The following CLEC12B variants were observed in gnomAD, a reference collection of about 807,000 sequenced individuals.
The protein encoded by CLEC12B is C-type lectin domain family 12 member B.
In CLEC12B, 25 loss-of-function variants were observed where a neutral mutation model predicts 36.1. That is an observed-to-expected ratio of 0.69 (90% CI 0.50 to 0.97). The LOEUF is 0.97. Ranked by LOEUF, CLEC12B falls within the 50% of genes least tolerant of loss-of-function variation. The probability of loss-of-function intolerance (pLI) is 0.00; values close to 1 mark genes in which losing one functional copy is unlikely to be tolerated. For synonymous variants in CLEC12B, 110 were observed against 108.5 expected (o/e 1.01, Z -0.09); for missense variants, 325 against 318.4 (o/e 1.02, Z -0.16).
chr12:10,007,612 A>G (rs1008592232), upstream of CLEC12B, among the ~76,000 whole-genome samples: 1 of 152,248 alleles, frequency 6.6e-6, no homozygotes, highest in Non-Finnish European at 1.5e-5. Flanking sequence ...GAGTCTGAGA[A>G]AGAAAAAGAG....
At chr12:10,006,504 C>T (rs1356778397), upstream of CLEC12B, among the ~76,000 whole-genome samples, 2 of 149,026 alleles carry the variant, frequency 1.3e-5, no homozygotes, top group Non-Finnish European at 3.0e-5. Flanking sequence ...CTCTAGGACA[C>T]AACAACATCT....
rs1865378697 is a variant in CLEC12B at position 10,013,171 on chromosome 12, C to G, written c.190+288C>G. On this transcript the variant is annotated intron_variant, in intron 2 of 5. Transcript: ENST00000338896. ...ATAAAGAGCCTCTTTTCTGCCTAGA[C>G]ACACATTCACTTATCATTCCAATGC... The G allele has an allele frequency of 1.3e-5, 5 of 386,962 alleles. No homozygotes were observed. In the Admixed American group the frequency reaches 1.8e-4, roughly 14 times the overall value. The allele number at this position is 386,962 out of a possible 1,614,324, so 24.0% of individuals were successfully genotyped here. A position where few individuals can be genotyped will look rare whatever the true frequency, so the allele number is the denominator to read the frequency against.
At chr12:10,017,720 G>A (rs934659027) in intron 5 of CLEC12B, 2 of 901,006 alleles carry the variant, frequency 2.2e-6, no homozygotes, top group Non-Finnish European at 1.3e-6. Flanking sequence ...AAACAATGTT[G>A]GGCACAAAGA....
At chr12:10,013,577 G>T (rs1865394020) in intron 2 of CLEC12B, among the ~76,000 whole-genome samples, 1 of 152,152 alleles carries the variant, frequency 6.6e-6, no homozygotes, top group Non-Finnish European at 1.5e-5. Context: ...TTATAGGGTT[G>T]TTAAGTATAT....
rs1865452107 is a variant in CLEC12B at position 10,015,236 on chromosome 12, A to G, written c.410-16A>G. 6.2e-7 allele frequency: 1 copy of G among 1,602,730 alleles called. No homozygotes were observed. Among genetic ancestry groups the G allele is most frequent in the South Asian group, 1.1e-5 (1 of 90,238 alleles). The stretch of plus-strand genomic sequence containing the variant: ...GAGTCTTCAGTTTATATTATTGGGT[A>G]TAATTTCCTTTTCAGACCACAGATG... On this transcript the variant is annotated splice_polypyrimidine_tract_variant and intron_variant, in intron 3 of 5. Transcript: ENST00000338896.
At chr12:10,017,051 T>C in intron 5 of CLEC12B, 1 of 985,318 alleles carries the variant, frequency 1.0e-6, no homozygotes, top group East Asian at 1.1e-4. Flanking sequence ...CAGCTGTGAC[T>C]CAGCAGTTCC....
chr12:10,011,921 G>C (rs1364368651), intron 1 of CLEC12B, among the ~76,000 whole-genome samples: 1 of 152,172 alleles, frequency 6.6e-6, no homozygotes, highest in East Asian at 1.9e-4. Context: ...GCATATCACA[G>C]TGTACCTAGA....
chr12:10,017,531 C>T (rs895677112), intron 5 of CLEC12B: 1 of 985,282 alleles, frequency 1.0e-6, no homozygotes, highest in African/African-American at 1.7e-5. Flanking sequence ...CAGACCCTGG[C>T]CCCTGAGACA....
upstream of CLEC12B, among the ~76,000 whole-genome samples, chr12:10,009,697 C>T (rs542211721): frequency 6.6e-6 from 1 of 152,198 alleles, no homozygotes; most frequent in East Asian, 1.9e-4. Context: ...GGTGAGTGCA[C>T]CTCACGCTGG....
chr12:10,012,019 T>C (rs1044641247), intron 1 of CLEC12B, among the ~76,000 whole-genome samples: 1 of 152,190 alleles, frequency 6.6e-6, no homozygotes, highest in African/African-American at 2.4e-5. Flanking sequence ...ATGACAACCA[T>C]TGATATTTTA....
chr12:10,011,154 A>G (rs979449962), intron 1 of CLEC12B, among the ~76,000 whole-genome samples: 6 of 152,226 alleles, frequency 3.9e-5, no homozygotes, highest in African/African-American at 1.4e-4. Flanking sequence ...CTTGATATTT[A>G]TACCTTGTTA....
At chr12:10,010,032 A>C (rs1865285946), upstream of CLEC12B, among the ~76,000 whole-genome samples, 1 of 152,170 alleles carries the variant, frequency 6.6e-6, no homozygotes, top group Non-Finnish European at 1.5e-5. Flanking sequence ...GGATTATCCC[A>C]TGGTTGTTGT....
At chr12:10,012,318 C>T (rs1565578671) in intron 1 of CLEC12B, among the ~76,000 whole-genome samples, 1 of 152,092 alleles carries the variant, frequency 6.6e-6, no homozygotes, top group African/African-American at 2.4e-5. Context: ...TTAGATCTCT[C>T]ATTTATGAAT....
At position 10,010,750 on chromosome 12, in the gene CLEC12B, T is replaced by G; in HGVS notation, c.-10T>G. On this transcript the variant is annotated 5_prime_UTR_variant, in exon 1 of 6. Transcript: ENST00000338896. ...TAATTAGATAATTTAAAGTAGCGTT[T>G]TCTTCTACAATGTCTGAAGAAGTGA... 2.6e-6 allele frequency: 4 copies of G among 1,546,920 alleles called. No individual in the cohort carries two copies. The highest frequency in any genetic ancestry group is 3.6e-6 in the Non-Finnish European group (4 of 1,119,756).
upstream of CLEC12B, among the ~76,000 whole-genome samples, chr12:10,010,469 G>T (rs768446204): frequency 1.2e-4 from 19 of 152,194 alleles, no homozygotes; most frequent in Admixed American, 2.0e-4. Flanking sequence ...CTCCTGCTCT[G>T]CCTCAAGCAC....
At chr12:10,017,899 A>T in intron 5 of CLEC12B, 2 of 965,942 alleles carry the variant, frequency 2.1e-6, no homozygotes, top group Non-Finnish European at 2.5e-6. Context: ...ATGTATAACT[A>T]TGTGAAAAAT....
chr12:10,017,779 T>G, intron 5 of CLEC12B: 1 of 872,508 alleles, frequency 1.1e-6, no homozygotes, highest in Non-Finnish European at 1.4e-6. Flanking sequence ...ATTTCAGGAT[T>G]AACATCAATT....
intron 5 of CLEC12B, 107 bp from the exon 6 acceptor site, chr12:10,018,224 T>G (rs112915340): frequency 0.015 from 11,183 of 732,168 alleles, 245 homozygotes; most frequent in African/African-American, 0.063. Flanking sequence ...GGCAGAAGTC[T>G]CTCCATATTC....
intron 5 of CLEC12B, 136 bp downstream of exon 5, chr12:10,015,863 T>C: frequency 6.7e-7 from 1 of 1,491,976 alleles, no homozygotes. Context: ...CAGTAACAAA[T>C]ATTGAAAGGA....
Sources: gnomAD v4.1 joint callset for allele counts (sites outside exome capture counted in the v4.1 genomes callset) on GRCh38, gnomAD v4.1.1 for gene constraint, MANE v1.5 for transcripts, NCBI Gene and HGNC (gene_info 2026-07-23, HGNC 2026-07-21) for gene names.